DDX10: variants seen among roughly 807,000 people sequenced by gnomAD.
The protein encoded by DDX10 is probable ATP-dependent RNA helicase DDX10.
A neutral mutation model predicts 104.3 loss-of-function variants in DDX10; 74 were observed. The ratio of observed to expected loss-of-function variants is 0.71; its 90% CI spans 0.59 to 0.86. The LOEUF is 0.86. Among genes scored for constraint, DDX10 ranks in the 40% least tolerant of loss-of-function variants. The pLI is 0.00. For missense variants in DDX10, 952 were observed against 1,040.0 expected, an observed-to-expected ratio of 0.92 and a Z score of 1.16; for synonymous variants, 351 against 353.4, an observed-to-expected ratio of 0.99 and a Z score of 0.08.
At chr11:108,909,668 C>T (rs1863642398) in intron 16 of DDX10, among the ~76,000 whole-genome samples, 1 of 152,234 alleles carries the variant, frequency 6.6e-6, no homozygotes, top group African/African-American at 2.4e-5. Context: ...CACTGGTGTC[C>T]GAAGTGTGGG....
At chr11:108,730,349 G>A (rs1379414860) in intron 13 of DDX10, among the ~76,000 whole-genome samples, 2 of 152,104 alleles carry the variant, frequency 1.3e-5, no homozygotes, top group Non-Finnish European at 2.9e-5. Flanking sequence ...GTGACAACTC[G>A]GGCTCCCCTA....
chr11:108,734,516 G>T (rs2094316126), intron 13 of DDX10, among the ~76,000 whole-genome samples: 1 of 152,060 alleles, frequency 6.6e-6, no homozygotes, highest in Non-Finnish European at 1.5e-5. Context: ...GACTTCCTGA[G>T]GATGTAAATT....
chr11:108,851,765 T>G (rs1862796131), intron 15 of DDX10, among the ~76,000 whole-genome samples: 1 of 152,144 alleles, frequency 6.6e-6, no homozygotes, highest in Non-Finnish European at 1.5e-5. Context: ...GCCAAAAGCT[T>G]TCTGAGTTTT....
intron 16 of DDX10, among the ~76,000 whole-genome samples, chr11:108,862,122 A>G (rs375742900): frequency 2.6e-5 from 4 of 152,186 alleles, no homozygotes; most frequent in African/African-American, 9.7e-5. Context: ...GAGCTCAAGC[A>G]GTCCTCCCGC....
intron 13 of DDX10, among the ~76,000 whole-genome samples, chr11:108,797,105 C>T (rs1796185223): frequency 6.6e-6 from 1 of 152,014 alleles, no homozygotes; most frequent in South Asian, 2.1e-4. Flanking sequence ...ACGATCTTGG[C>T]TCACTGCAGC....
intron 13 of DDX10, among the ~76,000 whole-genome samples, chr11:108,737,632 A>T (rs559300623): frequency 6.6e-6 from 1 of 152,182 alleles, no homozygotes; most frequent in Non-Finnish European, 1.5e-5. Flanking sequence ...TGTGCATGAG[A>T]TAGATATCAC....
chr11:108,682,751 A>C (rs899715063), intron 6 of DDX10, among the ~76,000 whole-genome samples: 6 of 151,876 alleles, frequency 4.0e-5, no homozygotes, highest in Admixed American at 6.6e-5. Context: ...TCACCCTTCC[A>C]CCTGAGAATT....
rs954391608 is a variant in DDX10, at chr11:108,671,687, A to T, written c.187-1780A>T. Among the ~76,000 whole-genome samples the T allele has an allele frequency of 4.6e-5, 7 of 152,348 alleles. No individual in the cohort carries two copies. The South Asian group carries it at 1.4e-3, about 32-fold the overall frequency. ...GCTCGAATAAAACTTTACTTACTAA[A>T]ATAGGCAGCAAATTGGATTTGGCCC... is the stretch of plus-strand genomic sequence containing the variant. On this transcript the variant is annotated intron_variant, in intron 1 of 17. Transcript: ENST00000322536.
Position 108,723,308 on chromosome 11 carries a change from C to T in DDX10, c.1811C>T (p.Ala604Val). 1 of 1,613,854 alleles carries T rather than the reference C, an allele frequency of 6.2e-7. No homozygotes were observed. Among genetic ancestry groups the T allele is most frequent in the Non-Finnish European group, 8.5e-7 (1 of 1,179,908 alleles). Reference sequence around the variant, plus strand: ...CTGGCAAAAGCAAAAGGATCTCAAGCCCCATCTCTTCCTAACACCAGTGAG... The same window carrying T: ...CTGGCAAAAGCAAAAGGATCTCAAGTCCCATCTCTTCCTAACACCAGTGAG... ...EKLAKAKGSQ[A>V]PSLPNTSEAQ... Residue 604 changes from alanine to valine, a missense_variant, in exon 13 of 18, where the codon GCC becomes GTC. Physicochemically the swap from Ala to Val is moderately conservative, Grantham distance 64 (BLOSUM62 0). This residue lies in a region of DDX10 where 533 missense variants were observed against 534.1 expected (regional missense o/e 1.00). Transcript: ENST00000322536.
intron 11 of DDX10, among the ~76,000 whole-genome samples, chr11:108,718,588 A>C (rs1397087554): frequency 6.6e-6 from 1 of 152,192 alleles, no homozygotes; most frequent in East Asian, 1.9e-4. Context: ...CATTGGAAAG[A>C]TGTTTTTTCA....
intron 13 of DDX10, among the ~76,000 whole-genome samples, chr11:108,735,569 ATAT>A (rs1391179933): frequency 3.3e-5 from 5 of 152,132 alleles, no homozygotes; most frequent in Non-Finnish European, 5.9e-5. Context: ...AGCATTGAAA[ATAT>A]TATTGTTCCT....
chr11:108,847,751 C>T (rs1336988025), intron 15 of DDX10, among the ~76,000 whole-genome samples: 1 of 152,168 alleles, frequency 6.6e-6, no homozygotes, highest in Non-Finnish European at 1.5e-5. Context: ...ACAAGTAACA[C>T]TTGCTTAACT....
At chr11:108,791,742 G>C (rs1177224239) in intron 13 of DDX10, among the ~76,000 whole-genome samples, 1 of 152,180 alleles carries the variant, frequency 6.6e-6, no homozygotes, top group African/African-American at 2.4e-5. Flanking sequence ...AAATAAACTT[G>C]CTATGAAGAT....
chr11:108,665,481 T>TC (rs765604903), intron 1 of DDX10, 142 bp downstream of exon 1: 184 of 946,744 alleles, frequency 1.9e-4, no homozygotes, highest in Non-Finnish European at 2.6e-4. Flanking sequence ...GTGCCACAGC[T>TC]CAAACCTCTG....
chr11:108,730,324 A>G (rs768835992), intron 13 of DDX10, among the ~76,000 whole-genome samples: 3 of 152,212 alleles, frequency 2.0e-5, no homozygotes, highest in Non-Finnish European at 4.4e-5. Context: ...TTATGACTGA[A>G]AGTCTCGTAG....
At chr11:108,783,817 C>G (rs930681446) in intron 13 of DDX10, among the ~76,000 whole-genome samples, 3 of 152,192 alleles carry the variant, frequency 2.0e-5, no homozygotes, top group Admixed American at 6.5e-5. Context: ...CCCTTTTCCT[C>G]TCTCCCGCAT....
At chr11:108,724,753 A>G (rs1329947194) in intron 13 of DDX10, among the ~76,000 whole-genome samples, 4 of 152,116 alleles carry the variant, frequency 2.6e-5, no homozygotes, top group Non-Finnish European at 4.4e-5. Context: ...AATACCATGA[A>G]TTGTTCACGT....
chr11:108,679,681 G>T, intron 6 of DDX10, 121 bp downstream of exon 6: 1 of 716,290 alleles, frequency 1.4e-6, no homozygotes, highest in South Asian at 2.7e-5. Context: ...GTTATGCAAA[G>T]CATAGTAAAT....
chr11:108,853,293 CA>C (rs1862820377), intron 16 of DDX10, among the ~76,000 whole-genome samples: 1 of 152,134 alleles, frequency 6.6e-6, no homozygotes, highest in East Asian at 1.9e-4. Flanking sequence ...TTAAATTTAA[CA>C]AGAAAATCTT....
Sources: gnomAD v4.1 joint callset for allele counts (sites outside exome capture counted in the v4.1 genomes callset) on GRCh38, gnomAD v4.1.1 for gene constraint, gnomAD v4.1.1 regional missense constraint, MANE v1.5 for transcripts, NCBI Gene and HGNC (gene_info 2026-07-23, HGNC 2026-07-21) for gene names.